TMCC1: variants seen among roughly 807,000 people sequenced by gnomAD.
TMCC1 encodes transmembrane and coiled-coil domains protein 1.
TMCC1 carries 15 observed loss-of-function variants against 52.4 expected under a neutral mutation model. The ratio of observed to expected loss-of-function variants is 0.29; its 90% confidence interval spans 0.19 to 0.44. TMCC1 has a LOEUF of 0.44. Among genes scored for constraint, TMCC1 ranks in the 20% least tolerant of loss-of-function variants. The probability of loss-of-function intolerance (pLI) is 1.00; values close to 1 mark genes in which losing one functional copy is unlikely to be tolerated. For missense variants in TMCC1, 503 were observed against 806.0 expected, an observed-to-expected ratio of 0.62 and a Z score of 4.55; for synonymous variants, 279 against 301.9, an observed-to-expected ratio of 0.92 and a Z score of 0.79.
At chr3:129,726,641 A>G (rs188122695) in intron 4 of TMCC1, among the ~76,000 whole-genome samples, 158 of 151,824 alleles carry the variant, frequency 1.0e-3, no homozygotes, top group African/African-American at 3.4e-3. Flanking sequence ...CACTTTAGGA[A>G]GGCGAGGTGG....
chr3:129,707,807 C>T (rs968632445), intron 4 of TMCC1, among the ~76,000 whole-genome samples: 5 of 152,008 alleles, frequency 3.3e-5, no homozygotes, highest in Non-Finnish European at 5.9e-5. Context: ...TGGCATGTGC[C>T]TGTAATCCCA....
chr3:129,677,359 G>A (rs900481724), intron 4 of TMCC1, among the ~76,000 whole-genome samples: 8 of 152,182 alleles, frequency 5.3e-5, no homozygotes, highest in Admixed American at 5.2e-4. Context: ...GTTAATGTGG[G>A]AAAATGTTAA....
chr3:129,813,081 T>C (rs547071631), intron 4 of TMCC1, among the ~76,000 whole-genome samples: 16 of 152,174 alleles, frequency 1.1e-4, no homozygotes, highest in Middle Eastern at 3.4e-3. Context: ...CACTAATCAT[T>C]AGAGAAATGC....
chr3:129,854,807 TACTCTTATGCC>T (rs536930083), intron 2 of TMCC1, among the ~76,000 whole-genome samples: 6 of 152,246 alleles, frequency 3.9e-5, no homozygotes, highest in Non-Finnish European at 8.8e-5. Flanking sequence ...ACCCAATACC[TACTCTTATGCC>T]ACTGTCACAG....
At position 129,651,670 on chromosome 3, in the gene TMCC1, G is replaced by A. The variant is rs143311432; in HGVS notation, c.1773C>T (p.Asn591=). 28 of 1,614,246 alleles carry A rather than the reference G, an allele frequency of 1.7e-5. No homozygotes were observed. The highest frequency in any genetic ancestry group is 3.3e-4 in the Middle Eastern group (2 of 6,062). Residue 591 remains asparagine (N), a synonymous_variant, in exon 7 of 7, where the codon AAC becomes AAT. Transcript: ENST00000393238. The surrounding 1 kb of genome is among the most constrained non-coding windows in gnomAD (Gnocchi z 5.1). ...TARNLLGKLI[N]ILLAVMAVLL... is the part of the protein sequence containing the mutation. Reference sequence around the variant, plus strand: ...GGACTGCCATGACAGCCAGGAGGATGTTGATGAGTTTGCCCAGAAGGTTCC... The same window carrying A: ...GGACTGCCATGACAGCCAGGAGGATATTGATGAGTTTGCCCAGAAGGTTCC...
chr3:129,699,745 G>C (rs993181803), intron 4 of TMCC1, among the ~76,000 whole-genome samples: 2 of 152,098 alleles, frequency 1.3e-5, no homozygotes, highest in Non-Finnish European at 2.9e-5. Context: ...AACATAAAGA[G>C]AATCCATCTC....
intron 4 of TMCC1, among the ~76,000 whole-genome samples, chr3:129,676,566 T>C (rs2088463338): frequency 6.6e-6 from 1 of 152,192 alleles, no homozygotes; most frequent in Non-Finnish European, 1.5e-5. Flanking sequence ...TGGTGCCATT[T>C]AGAGCGCAGC....
chr3:129,688,580 T>C lies in TMCC1; in HGVS notation c.577-17316A>G, dbSNP rs1416001802. On this transcript the variant is annotated intron_variant, in intron 4 of 6. Transcript: ENST00000393238. ...TCCGCAGTGCCCACCTCAGCCTATG[T>C]ATAGTTTCAATTCTATCTCCTGTAG... 4 of 985,408 alleles carry C rather than the reference T, an allele frequency of 4.1e-6. 1 individual carries two copies. The highest frequency in any genetic ancestry group is 9.4e-5 in the South Asian group (2 of 21,292). 61.0% of individuals were successfully genotyped at this position (985,408 alleles called of 1,614,324 possible). A position where few individuals can be genotyped will look rare whatever the true frequency, so the allele number is the denominator to read the frequency against.
chr3:129,756,589 G>T (rs971998159), intron 4 of TMCC1, among the ~76,000 whole-genome samples: 1 of 151,986 alleles, frequency 6.6e-6, no homozygotes, highest in African/African-American at 2.4e-5. Flanking sequence ...TAGTAGAGAC[G>T]GGGTTTCACC....
At chr3:129,659,936 A>C (rs1190402437) in intron 5 of TMCC1, among the ~76,000 whole-genome samples, 1 of 152,216 alleles carries the variant, frequency 6.6e-6, no homozygotes, top group Admixed American at 6.5e-5. Flanking sequence ...ATTAAAGGAG[A>C]AGACAGACAT....
At chr3:129,889,883 G>C (rs1262988164) in intron 1 of TMCC1, among the ~76,000 whole-genome samples, 3 of 146,912 alleles carry the variant, frequency 2.0e-5, no homozygotes, top group Admixed American at 6.8e-5. Context: ...GATAAAACTT[G>C]AATTTGTACC....
intron 2 of TMCC1, among the ~76,000 whole-genome samples, chr3:129,870,759 CAAAAAAAAAAAAAAAA>C (rs61673201): frequency 9.4e-5 from 1 of 10,678 alleles, no homozygotes; most frequent in Non-Finnish European, 2.6e-4. Context: ...GACTCCATCT[CAAAAAAAAAAAAAAAA>C]AAAAAAAGAT....
At chr3:129,718,437 A>G (rs938794151) in intron 4 of TMCC1, among the ~76,000 whole-genome samples, 3 of 152,194 alleles carry the variant, frequency 2.0e-5, no homozygotes, top group African/African-American at 7.2e-5. Flanking sequence ...ATATCTCAGT[A>G]AAAAGCGATC....
At chr3:129,843,911 C>CAAA (rs11391229) in intron 2 of TMCC1, among the ~76,000 whole-genome samples, 99 of 135,586 alleles carry the variant, frequency 7.3e-4, no homozygotes, top group African/African-American at 9.2e-4. Flanking sequence ...CAGACACTAC[C>CAAA]AAAAAAAAAA....
Position 129,651,388 on chromosome 3 carries a change from G to T in TMCC1, c.*93C>A. On this transcript the variant is annotated 3_prime_UTR_variant, in exon 7 of 7. Coordinates refer to ENST00000393238, the MANE Select transcript of TMCC1 (RefSeq NM_001017395.5). The surrounding 1 kb of genome is among the most constrained non-coding windows in gnomAD (Gnocchi z 5.1). Reference sequence around the variant, plus strand: ...AACAGATTCACTCAACTCTTTTTTTGTTGTAGAAAACTTCAGAGTAGGTAA... The same window carrying T: ...AACAGATTCACTCAACTCTTTTTTTTTTGTAGAAAACTTCAGAGTAGGTAA... The T allele has an allele frequency of 7.5e-6, 10 of 1,328,158 alleles. No individual in the cohort carries two copies. The highest frequency in any genetic ancestry group is 2.3e-5 in the Admixed American group (1 of 43,720). The allele number at this position is 1,328,158 out of a possible 1,614,324, so 82.3% of individuals were successfully genotyped here. A position where few individuals can be genotyped will look rare whatever the true frequency, so the allele number is the denominator to read the frequency against.
intron 4 of TMCC1, among the ~76,000 whole-genome samples, chr3:129,685,431 C>T (rs2089328994): frequency 6.7e-6 from 1 of 149,758 alleles, no homozygotes; most frequent in Non-Finnish European, 1.5e-5. Flanking sequence ...GAGAAGGGGA[C>T]AGATAAGGCT....
chr3:129,739,478 T>C (rs1171395166), intron 4 of TMCC1, among the ~76,000 whole-genome samples: 1 of 152,200 alleles, frequency 6.6e-6, no homozygotes, highest in African/African-American at 2.4e-5. Context: ...ATGATTCTTA[T>C]AACCATCTAC....
At chr3:129,696,304 A>C (rs1446849820) in intron 4 of TMCC1, among the ~76,000 whole-genome samples, 3 of 152,248 alleles carry the variant, frequency 2.0e-5, no homozygotes, top group African/African-American at 7.2e-5. Context: ...ATTGTAAACC[A>C]GAAAATGTTT....
chr3:129,752,539 A>G (rs1473398016), intron 4 of TMCC1, among the ~76,000 whole-genome samples: 5 of 152,110 alleles, frequency 3.3e-5, no homozygotes, highest in South Asian at 4.2e-4. Flanking sequence ...GGTGGTGGGC[A>G]CCTGTAATCC....
Sources: gnomAD v4.1 joint callset for allele counts (sites outside exome capture counted in the v4.1 genomes callset) on GRCh38, gnomAD v4.1.1 for gene constraint, Gnocchi (gnomAD v3.1) non-coding constraint, MANE v1.5 for transcripts, NCBI Gene and HGNC (gene_info 2026-07-23, HGNC 2026-07-21) for gene names.